AFF1: variants seen among roughly 807,000 people sequenced by gnomAD.
AFF1 encodes AF4/FMR2 family member 1.
AFF1 carries 48 observed loss-of-function variants against 121.7 expected under a neutral mutation model. The ratio of observed to expected loss-of-function variants is 0.39; its 90% CI spans 0.31 to 0.50. The LOEUF (loss-of-function observed/expected upper bound fraction) is 0.50, where lower values mean the gene tolerates loss of function less well. Ranked by LOEUF, AFF1 falls within the 20% of genes least tolerant of loss-of-function variation. The pLI, the probability that AFF1 is intolerant of heterozygous loss-of-function variation, is 0.76. For synonymous variants in AFF1, 613 were observed against 563.0 expected (o/e 1.09, Z -1.26); for missense variants, 1,523 against 1,511.7 (o/e 1.01, Z -0.12).
rs201052197 is a variant in AFF1 at position 87,047,016 on chromosome 4, C to T, written c.481C>T (p.Pro161Ser). The change falls in exon 4 of 21, where the codon CCG (proline) becomes TCG (serine). Residue 161 changes from proline (P) to serine (S), a missense_variant. Physicochemically the swap from Pro to Ser is moderately conservative, Grantham distance 74. This residue lies in a region of AFF1 where 369 missense variants were observed against 367.2 expected (regional missense o/e 1.00). Coordinates refer to ENST00000395146, the MANE Select transcript of AFF1 (RefSeq NM_001166693.3). ...PSLHAKSCGP[P>S]DSQHLTQDRL... Reference sequence around the variant, plus strand: ...TCTCCATGCCAAAAGCTGCGGCCCACCGGACAGCCAGCACCTGACCCAGGA... The same window carrying T: ...TCTCCATGCCAAAAGCTGCGGCCCATCGGACAGCCAGCACCTGACCCAGGA... 9.9e-6 allele frequency: 16 copies of T among 1,614,214 alleles called. No individual in the cohort carries two copies. The East Asian group carries it at 3.3e-4, about 34-fold the overall frequency.
intron 2 of AFF1, among the ~76,000 whole-genome samples, chr4:86,964,781 T>A (rs1222416323): frequency 6.6e-6 from 1 of 152,224 alleles, no homozygotes; most frequent in Admixed American, 6.5e-5. Context: ...TTACTATTTT[T>A]AAATATTAAA....
In AFF1 at chr4:87,131,831, C is replaced by T. The variant is rs761540582; in HGVS notation, c.3140C>T (p.Ala1047Val). Residue 1047 changes from alanine (A) to valine (V), a missense_variant, in exon 18 of 21, where the codon GCG becomes GTG. Coordinates refer to ENST00000395146, the MANE Select transcript of AFF1 (RefSeq NM_001166693.3). Reference protein sequence around the residue: ...MSLKSFSDATAPTQEKIFAVL... With the variant: ...MSLKSFSDATVPTQEKIFAVL... ...TTAAAATCCTTCTCAGATGCCACAG[C>T]GCCAACACAAGAGAAAATATTTGCT... 39 of 1,591,652 alleles carry T rather than the reference C, an allele frequency of 2.5e-5. 1 individual carries two copies. Among genetic ancestry groups the T allele is most frequent in the Middle Eastern group, 1.7e-4 (1 of 5,970 alleles).
At chr4:86,996,186 G>T (rs1224785667) in intron 2 of AFF1, among the ~76,000 whole-genome samples, 1 of 152,210 alleles carries the variant, frequency 6.6e-6, no homozygotes, top group African/African-American at 2.4e-5. Flanking sequence ...GGGAAGTGAG[G>T]AGCCCCTCTG....
At chr4:87,044,797 CAG>C (rs1408775553) in intron 2 of AFF1, among the ~76,000 whole-genome samples, 3 of 152,112 alleles carry the variant, frequency 2.0e-5, no homozygotes, top group African/African-American at 7.2e-5. Context: ...AGGGTATGCT[CAG>C]GGGATGGACG....
chr4:87,020,119 T>C (rs1249693696), intron 2 of AFF1, among the ~76,000 whole-genome samples: 1 of 152,232 alleles, frequency 6.6e-6, no homozygotes, highest in African/African-American at 2.4e-5. Flanking sequence ...TAAACTACTG[T>C]AGGAACTGAA....
chr4:86,973,150 G>A (rs1723060423), intron 2 of AFF1, among the ~76,000 whole-genome samples: 1 of 152,168 alleles, frequency 6.6e-6, no homozygotes, highest in African/African-American at 2.4e-5. Flanking sequence ...GCTGCACGGA[G>A]GCAGTGAAGG....
rs1317556222 is a variant in AFF1, at chr4:87,101,760, T to C, written c.1284-3868T>C. On this transcript the variant is annotated intron_variant, in intron 8 of 20. Coordinates refer to ENST00000395146, the MANE Select transcript of AFF1 (RefSeq NM_001166693.3). ...CGAAAAGTGTTACTTTTCTTATTAT[T>C]TTTAGCACACCTGATACCATGGCTG... Among the ~76,000 whole-genome samples the C allele has an allele frequency of 2.0e-5, 3 of 152,306 alleles. No homozygotes were observed. The East Asian group carries it at 5.8e-4, about 29-fold the overall frequency.
At chr4:87,081,151 A>AGTTTTTTTTT (rs1560606159) in intron 4 of AFF1, among the ~76,000 whole-genome samples, 1 of 101,666 alleles carries the variant, frequency 9.8e-6, no homozygotes, top group Non-Finnish European at 1.9e-5. Context: ...TAATGAAATG[A>AGTTTTTTTTT]ATTTTTTTTT....
Position 86,951,617 on chromosome 4 carries a change from T to TTTTTC in AFF1, c.38+3050_38+3051insCTTTT, listed in dbSNP as rs1356980783. On this transcript the variant is annotated intron_variant, in intron 2 of 20. Transcript: ENST00000395146. The stretch of plus-strand genomic sequence containing the variant: ...ACTTTTTTTTCTTTTTCTTTTTTCT[T>TTTTTC]TTTTTCTTTTTTTTTTTTTTTTTTG... Among the ~76,000 whole-genome samples, 52 of 54,808 alleles carry TTTTTC rather than the reference T, an allele frequency of 9.5e-4. 3 individuals carry two copies. Among genetic ancestry groups the TTTTTC allele is most frequent in the African/African-American group, 3.5e-3 (50 of 14,168 alleles). 36.0% of individuals were successfully genotyped at this position (54,808 alleles called of 152,430 possible).
At chr4:87,126,398 A>G in intron 14 of AFF1, 62 bp downstream of exon 14, 2 of 1,497,012 alleles carry the variant, frequency 1.3e-6, no homozygotes, top group South Asian at 2.3e-5. Flanking sequence ...TACGTTCCCA[A>G]AGAAGACAAG....
intron 2 of AFF1, among the ~76,000 whole-genome samples, chr4:86,958,670 A>T (rs147624560): frequency 2.0e-5 from 3 of 152,122 alleles, no homozygotes; most frequent in Admixed American, 6.5e-5. Flanking sequence ...GTGAGCCGAG[A>T]TTGTGCCACT....
chr4:87,083,495 T>G (rs1419512151), intron 4 of AFF1, among the ~76,000 whole-genome samples: 1 of 152,228 alleles, frequency 6.6e-6, no homozygotes, highest in Non-Finnish European at 1.5e-5. Flanking sequence ...CTCCTTACTT[T>G]CGACCCACTA....
intron 8 of AFF1, among the ~76,000 whole-genome samples, chr4:87,100,723 A>T (rs1725348533): frequency 6.6e-6 from 1 of 152,204 alleles, no homozygotes. Context: ...CTACACGATA[A>T]ACTTGATTGA....
intron 16 of AFF1, among the ~76,000 whole-genome samples, chr4:87,130,135 G>A (rs1578319830): frequency 6.6e-6 from 1 of 150,956 alleles, no homozygotes; most frequent in Non-Finnish European, 1.5e-5. Flanking sequence ...ACCACACCTG[G>A]CTAATTTTTA....
chr4:86,977,960 G>T (rs990127479), intron 2 of AFF1, among the ~76,000 whole-genome samples: 7 of 152,092 alleles, frequency 4.6e-5, no homozygotes, highest in African/African-American at 1.7e-4. Context: ...TGAGTCAGAC[G>T]TGTACTCTGC....
chr4:87,085,784 T>C (rs1030569067), intron 5 of AFF1, among the ~76,000 whole-genome samples: 15 of 151,274 alleles, frequency 9.9e-5, no homozygotes, highest in Non-Finnish European at 1.9e-4. Context: ...AGTCTCTCTC[T>C]GTCGCTCAGG....
intron 2 of AFF1, among the ~76,000 whole-genome samples, chr4:86,994,678 A>C (rs1416787020): frequency 6.6e-5 from 10 of 152,210 alleles, no homozygotes; most frequent in Admixed American, 6.5e-4. Flanking sequence ...TGTGTTAGGT[A>C]GAGTGAAGGA....
chr4:87,078,401 C>T (rs934539158), intron 4 of AFF1, among the ~76,000 whole-genome samples: 1 of 152,134 alleles, frequency 6.6e-6, no homozygotes, highest in Non-Finnish European at 1.5e-5. Context: ...GGGGTTGCCT[C>T]TGTGTGGCTG....
At chr4:86,953,314 C>T (rs1306497128) in intron 2 of AFF1, among the ~76,000 whole-genome samples, 1 of 152,072 alleles carries the variant, frequency 6.6e-6, no homozygotes, top group Non-Finnish European at 1.5e-5. Context: ...GGTATTTAAT[C>T]TTTTATTTGC....
Sources: gnomAD v4.1 joint callset for allele counts (sites outside exome capture counted in the v4.1 genomes callset) on GRCh38, gnomAD v4.1.1 for gene constraint, gnomAD v4.1.1 regional missense constraint, MANE v1.5 for transcripts, NCBI Gene and HGNC (gene_info 2026-07-23, HGNC 2026-07-21) for gene names.